CNTN5: variants seen among roughly 807,000 people sequenced by gnomAD.
The protein encoded by CNTN5 is contactin-5.
Under a neutral mutation model 129.1 loss-of-function variants are expected in CNTN5, and 77 were observed. That is an observed-to-expected ratio of 0.60 (90% CI 0.50 to 0.72). The LOEUF (loss-of-function observed/expected upper bound fraction) is 0.72, where lower values mean the gene tolerates loss of function less well. CNTN5 is among the 30% of genes least tolerant of loss of function. The probability of loss-of-function intolerance (pLI) is 0.00; values close to 1 mark genes in which losing one functional copy is unlikely to be tolerated. For missense variants in CNTN5, 1,478 were observed against 1,328.8 expected (o/e 1.11, Z -1.75); for synonymous variants, 509 against 465.6 (o/e 1.09, Z -1.20).
At chr11:99,674,257 C>G (rs1208432636) in intron 3 of CNTN5, among the ~76,000 whole-genome samples, 1 of 150,042 alleles carries the variant, frequency 6.7e-6, no homozygotes, top group Admixed American at 6.7e-5. Flanking sequence ...TATATGCCTT[C>G]TTTTGAGAAG....
intron 3 of CNTN5, among the ~76,000 whole-genome samples, chr11:99,563,555 A>T (rs78284346): frequency 0.039 from 5,936 of 152,296 alleles, 150 homozygotes; most frequent in South Asian, 0.086. Context: ...CAATTTATTC[A>T]CTTAAAATAA....
At chr11:100,091,234 C>T (rs1944768749) in intron 13 of CNTN5, among the ~76,000 whole-genome samples, 1 of 151,340 alleles carries the variant, frequency 6.6e-6, no homozygotes, top group Admixed American at 6.6e-5. Flanking sequence ...TACTGTTGCC[C>T]AGAGTGTTGC....
At chr11:99,587,760 TAAAC>T (rs139962793) in intron 3 of CNTN5, among the ~76,000 whole-genome samples, 137,207 of 151,954 alleles carry the variant, frequency 0.9, 62,070 homozygotes, top group South Asian at 0.95. Context: ...AGTTCTCTCT[TAAAC>T]AAAATAAATG....
chr11:99,861,220 G>A lies in CNTN5; in HGVS notation c.577+15958G>A, dbSNP rs186924507. Among the ~76,000 whole-genome samples the A allele has an allele frequency of 8.1e-4, 124 of 152,248 alleles. 1 individual carries two copies. Among genetic ancestry groups the A allele is most frequent in the Non-Finnish European group, 1.4e-3 (97 of 68,006 alleles). On this transcript the variant is annotated intron_variant, in intron 6 of 24. Transcript: ENST00000524871. ...GATCCGCCAGCCTCAGCCTCCCAAA[G>A]TGTTGGGATTACAGGCGTGAGCCAC...
chr11:99,514,568 A>G (rs80015618), intron 2 of CNTN5, among the ~76,000 whole-genome samples: 9,992 of 152,112 alleles, frequency 0.066, 352 homozygotes, highest in African/African-American at 0.097. Flanking sequence ...TGTCATCCAG[A>G]ACCCAATAAC....
intron 9 of CNTN5, 130 bp downstream of exon 9, chr11:100,002,266 G>A (rs574071388): frequency 1.8e-6 from 1 of 570,950 alleles, no homozygotes; most frequent in East Asian, 3.4e-5. Context: ...TTTTCTAAAA[G>A]AAGGTCAAAT....
At chr11:99,588,424 G>T (rs915843155) in intron 3 of CNTN5, among the ~76,000 whole-genome samples, 8 of 151,244 alleles carry the variant, frequency 5.3e-5, no homozygotes, top group African/African-American at 1.9e-4. Context: ...CAAGGCAAAG[G>T]TACAATGTTC....
intron 20 of CNTN5, among the ~76,000 whole-genome samples, chr11:100,302,782 T>G (rs1386356612): frequency 6.6e-6 from 1 of 151,552 alleles, no homozygotes; most frequent in East Asian, 1.9e-4. Flanking sequence ...CTTTTATAAG[T>G]GTGTATGTGC....
chr11:100,236,850 T>C (rs6590680), intron 16 of CNTN5, among the ~76,000 whole-genome samples: 117,056 of 152,030 alleles, frequency 0.77, 45,255 homozygotes, highest in African/African-American at 0.85. Flanking sequence ...TTTTAGGGAA[T>C]ATACACTTCA....
chr11:99,389,076 C>T (rs1289545646), intron 2 of CNTN5, among the ~76,000 whole-genome samples: 1 of 143,006 alleles, frequency 7.0e-6, no homozygotes, highest in East Asian at 2.1e-4. Context: ...GTTGCCCAGG[C>T]TGGAGTGCAA....
chr11:99,628,376 CT>C (rs1951207109), intron 3 of CNTN5, among the ~76,000 whole-genome samples: 1 of 152,110 alleles, frequency 6.6e-6, no homozygotes, highest in East Asian at 1.9e-4. Flanking sequence ...CATAACCTCA[CT>C]TATTTCTGGT....
chr11:99,555,994 G>T, intron 2 of CNTN5, 151 bp from the exon 3 acceptor site: 1 of 373,300 alleles, frequency 2.7e-6, no homozygotes, highest in Non-Finnish European at 4.8e-6. Context: ...AACAGAAACT[G>T]TATTATTGCT....
intron 1 of CNTN5, chr11:99,049,787 G>C (rs1864354682): frequency 6.6e-6 from 1 of 152,078 alleles, no homozygotes; most frequent in African/African-American, 2.4e-5. Context: ...TTGGGCTCCT[G>C]TATATCCCTA....
chr11:99,415,068 T>C (rs1370731361), intron 2 of CNTN5, among the ~76,000 whole-genome samples: 1 of 152,216 alleles, frequency 6.6e-6, no homozygotes, highest in Non-Finnish European at 1.5e-5. Flanking sequence ...AAACACACTC[T>C]TTGGAATTAT....
intron 2 of CNTN5, among the ~76,000 whole-genome samples, chr11:99,542,768 G>A: frequency 6.6e-6 from 1 of 152,156 alleles, no homozygotes; most frequent in East Asian, 1.9e-4. Flanking sequence ...GGCAGAAATG[G>A]ACAGGTCCTT....
At chr11:99,637,285 C>T (rs1204837589) in intron 3 of CNTN5, among the ~76,000 whole-genome samples, 2 of 151,660 alleles carry the variant, frequency 1.3e-5, no homozygotes, top group Non-Finnish European at 2.9e-5. Flanking sequence ...TATAGAATAC[C>T]TTATAGCATA....
intron 13 of CNTN5, among the ~76,000 whole-genome samples, chr11:100,082,609 A>T (rs1944407338): frequency 6.6e-6 from 1 of 152,072 alleles, no homozygotes; most frequent in Admixed American, 6.6e-5. Flanking sequence ...GGCTTTTTTA[A>T]TTACATTTTT....
intron 15 of CNTN5, among the ~76,000 whole-genome samples, chr11:100,213,449 A>T (rs1405135553): frequency 6.6e-6 from 1 of 152,168 alleles, no homozygotes; most frequent in Non-Finnish European, 1.5e-5. Flanking sequence ...TATGGTCTCG[A>T]TGATTTTTCA....
intron 2 of CNTN5, among the ~76,000 whole-genome samples, chr11:99,363,090 T>C (rs1939223891): frequency 6.6e-6 from 1 of 152,138 alleles, no homozygotes; most frequent in Non-Finnish European, 1.5e-5. Flanking sequence ...TTGTACTCAA[T>C]CTATAGATTG....
Sources: gnomAD v4.1 joint callset for allele counts (sites outside exome capture counted in the v4.1 genomes callset) on GRCh38, gnomAD v4.1.1 for gene constraint, MANE v1.5 for transcripts, NCBI Gene and HGNC (gene_info 2026-07-23, HGNC 2026-07-21) for gene names.